The following MAP10 variants were observed in gnomAD, a reference collection of about 807,000 sequenced individuals.
MAP10 encodes the protein microtubule-associated protein 10.
A neutral mutation model predicts 6.3 loss-of-function variants in MAP10; 10 were observed. The observed-to-expected ratio is 1.58, with a 90% CI of 0.98 to 2.69. The LOEUF (loss-of-function observed/expected upper bound fraction) is 2.69, where lower values mean the gene tolerates loss of function less well. Among genes scored for constraint, MAP10 ranks in the 30% most tolerant of loss-of-function variants. The probability of loss-of-function intolerance (pLI) is 0.00; values close to 1 mark genes in which losing one functional copy is unlikely to be tolerated. For synonymous variants in MAP10, 459 were observed against 429.3 expected (o/e 1.07, Z -0.86); for missense variants, 1,189 against 1,086.5 (o/e 1.09, Z -1.33).
Position 232,808,117 on chromosome 1 carries a change from A to G in MAP10, c.2668A>G (p.Lys890Glu). 6.3e-7 allele frequency: 1 copy of G among 1,588,024 alleles called. No individual in the cohort carries two copies. Among genetic ancestry groups the G allele is most frequent in the Non-Finnish European group, 8.6e-7 (1 of 1,162,484 alleles). Residue 890 changes from lysine to glutamate, a missense_variant, in exon 1 of 1, where the codon AAA becomes GAA. By Grantham distance (56) the Lys-to-Glu change is moderately conservative. Coordinates refer to ENST00000418460, the MANE Select transcript of MAP10 (RefSeq NM_019090.3). ...TTCACTAAATATTTCCAAGCAATGC[A>G]AAGATATTTGTGAATTAGTAATAAA... ...VGSLNISKQC[K>E]DICELVINKL...
In MAP10 at chr1:232,807,040, A is replaced by T. The variant is rs977529316; in HGVS notation, c.1591A>T (p.Met531Leu). ...ACTATATAGAAAAAGACAATCACAA[A>T]TGTTGGGTACAAAATTCAGAATTCC... ...RELYRKRQSQ[M>L]LGTKFRIPSS... Residue 531 changes from methionine to leucine, a missense_variant, in exon 1 of 1, where the codon ATG becomes TTG. Transcript: ENST00000418460. 21 of 1,613,086 alleles carry T rather than the reference A, an allele frequency of 1.3e-5. No individual in the cohort carries two copies. The highest frequency in any genetic ancestry group is 1.8e-5 in the Non-Finnish European group (21 of 1,179,626).
chr1:232,807,498 CAA>C, the MAP10 span: 5 of 1,613,586 alleles, frequency 3.1e-6, no homozygotes, highest in African/African-American at 2.7e-5. Context: ...ATATAAGTGA[CAA>C]GAGAACAGGT....
Position 232,807,620 on chromosome 1 carries a change from A to G in MAP10, c.2171A>G (p.Lys724Arg), listed in dbSNP as rs1571897185. 6.2e-7 allele frequency: 1 copy of G among 1,610,134 alleles called. No individual in the cohort carries two copies. Among genetic ancestry groups the G allele is most frequent in the African/African-American group, 1.3e-5 (1 of 75,008 alleles). Residue 724 changes from lysine to arginine, a missense_variant, in exon 1 of 1, where the codon AAA (lysine) becomes AGA (arginine). Coordinates refer to ENST00000418460, the MANE Select transcript of MAP10 (RefSeq NM_019090.3). ...AGTGAGGACACCAGCAGAAGTTTCA[A>G]AGCTCATGATAGCAGTTCAAGGACA... Reference protein sequence around the residue: ...CTSEDTSRSFKAHDSSSRTEN... With the variant: ...CTSEDTSRSFRAHDSSSRTEN...
Position 232,805,702 on chromosome 1 carries a change from G to T in MAP10, c.253G>T (p.Gly85Cys). The stretch of plus-strand genomic sequence containing the variant: ...CGCTCCCGCCGCCGAACCGTGGCCC[G>T]GTGTCATCCGCTTCGGTCGCGGCAA... Reference protein sequence around the residue: ...PGAPAAEPWPGVIRFGRGKSC... With the variant: ...PGAPAAEPWPCVIRFGRGKSC... The change falls in exon 1 of 1, where the codon GGT (glycine) becomes TGT (cysteine). Residue 85 changes from glycine to cysteine, a missense_variant. By Grantham distance (159) the Gly-to-Cys change is radical (BLOSUM62 -3). Transcript: ENST00000418460. 1 of 1,604,224 alleles carries T rather than the reference G, an allele frequency of 6.2e-7. No individual in the cohort carries two copies. The highest frequency in any genetic ancestry group is 1.1e-5 in the South Asian group (1 of 90,840).
rs1666095373 is a variant in MAP10 at position 232,806,031 on chromosome 1, G to T, written c.582G>T (p.Arg194=). ...GCCGCCTGCTGAGCCAACTTGAGCGGCCCCTCACCTTCACCCGCACAGGAG... is the reference window on the plus strand; with the variant it reads ...GCCGCCTGCTGAGCCAACTTGAGCGTCCCCTCACCTTCACCCGCACAGGAG... The part of the protein sequence containing the change: ...LGSRLLSQLE[R]PLTFTRTGGG... The change falls in exon 1 of 1, where the codon CGG becomes CGT. Residue 194 remains arginine (R), a synonymous_variant. Coordinates refer to ENST00000418460, the MANE Select transcript of MAP10 (RefSeq NM_019090.3). 1 of 1,613,954 alleles carries T rather than the reference G, an allele frequency of 6.2e-7. No individual in the cohort carries two copies. The highest frequency in any genetic ancestry group is 2.2e-5 in the East Asian group (1 of 44,872).
Position 232,805,830 on chromosome 1 carries a change from C to T in MAP10, c.381C>T (p.Pro127=), listed in dbSNP as rs1247762059. 6.3e-7 allele frequency: 1 copy of T among 1,589,518 alleles called. No individual in the cohort carries two copies. Among genetic ancestry groups the T allele is most frequent in the Admixed American group, 1.7e-5 (1 of 57,380 alleles). ...AGCTGCCCCCTGGGCGCCCGACGCCCACCCCACAGCTCCTGGGGGCCTGCG... is the reference window on the plus strand; with the variant it reads ...AGCTGCCCCCTGGGCGCCCGACGCCTACCCCACAGCTCCTGGGGGCCTGCG... ...LLQLPPGRPT[P]TPQLLGACDI... is the part of the protein sequence containing the mutation. Residue 127 remains proline (P), a synonymous_variant, in exon 1 of 1, where the codon CCC becomes CCT. Transcript: ENST00000418460.
Position 232,805,541 on chromosome 1 carries a change from C to T in MAP10, c.92C>T (p.Ala31Val). Residue 31 changes from alanine (A) to valine (V), a missense_variant, in exon 1 of 1, where the codon GCC becomes GTC. Ala to Val is a moderately conservative substitution (Grantham distance 64). Transcript: ENST00000418460. ...GCCCGGCTGCTGCCGTCCCCCGCTG[C>T]CGCAGTGGAGCAGGAGGAGGAAGAG... ...LEARLLPSPA[A>V]AVEQEEEEEE... 1 of 1,561,982 alleles carries T rather than the reference C, an allele frequency of 6.4e-7. No homozygotes were observed. The highest frequency in any genetic ancestry group is 8.7e-7 in the Non-Finnish European group (1 of 1,153,204).
In MAP10 at chr1:232,807,714, T is replaced by G. The variant is rs779748954; in HGVS notation, c.2265T>G (p.Ser755Arg). The change falls in exon 1 of 1, where the codon AGT becomes AGG. Residue 755 changes from serine (S) to arginine (R), a missense_variant. Coordinates refer to ENST00000418460, the MANE Select transcript of MAP10 (RefSeq NM_019090.3). ...SDTGVSKKKNSSDRSSILSPP... is the reference protein window; with the variant it reads ...SDTGVSKKKNRSDRSSILSPP... ...CAGGAGTGTCCAAAAAGAAAAATAG[T>G]AGTGACAGGAGTTCTATCCTTAGCC... The G allele has an allele frequency of 1.9e-6, 3 of 1,613,632 alleles. No individual in the cohort carries two copies. Among genetic ancestry groups the G allele is most frequent in the Non-Finnish European group, 2.5e-6 (3 of 1,179,704 alleles).
At position 232,808,393 on chromosome 1, in the gene MAP10, G is replaced by C. The variant is rs1666144255; in HGVS notation, c.*226G>C. 2.7e-6 allele frequency: 1 copy of C among 372,052 alleles called. No individual in the cohort carries two copies. The highest frequency in any genetic ancestry group is 4.6e-5 in the East Asian group (1 of 21,896). The allele number at this position is 372,052 out of a possible 1,614,324, so 23.0% of individuals were successfully genotyped here. On this transcript the variant is annotated 3_prime_UTR_variant, in exon 1 of 1. Transcript: ENST00000418460. Reference sequence around the variant, plus strand: ...AAATTGTTTAATCATAAGAATAAAAGTGTGTCTTTCTAAATTGTCTCTCTT... The same window carrying C: ...AAATTGTTTAATCATAAGAATAAAACTGTGTCTTTCTAAATTGTCTCTCTT...
In MAP10 at chr1:232,807,502, A is replaced by G. The variant is rs781747645; in HGVS notation, c.2053A>G (p.Arg685Gly). 1.2e-6 allele frequency: 2 copies of G among 1,613,882 alleles called. No individual in the cohort carries two copies. Among genetic ancestry groups the G allele is most frequent in the Non-Finnish European group, 8.5e-7 (1 of 1,179,814 alleles). ...DILMADISDK[R>G]TGKNSCYENI... ...TCTTATGGCTGATATAAGTGACAAG[A>G]GAACAGGTAAAAATAGTTGCTATGA... The change falls in exon 1 of 1, where the codon AGA (arginine) becomes GGA (glycine). Residue 685 changes from arginine (R) to glycine (G), a missense_variant. By Grantham distance (125) the Arg-to-Gly change is moderately radical. Transcript: ENST00000418460.
Position 232,808,109 on chromosome 1 carries a change from A to G in MAP10, c.2660A>G (p.Lys887Arg). 3 of 1,593,060 alleles carry G rather than the reference A, an allele frequency of 1.9e-6. No individual in the cohort carries two copies. The highest frequency in any genetic ancestry group is 2.6e-6 in the Non-Finnish European group (3 of 1,165,016). Residue 887 changes from lysine to arginine, a missense_variant, in exon 1 of 1, where the codon AAG becomes AGG. Transcript: ENST00000418460. ...GATGTTGGTTCACTAAATATTTCCA[A>G]GCAATGCAAAGATATTTGTGAATTA... Reference protein sequence around the residue: ...NDDVGSLNISKQCKDICELVI... With the variant: ...NDDVGSLNISRQCKDICELVI...
chr1:232,806,578 G>A lies in MAP10; in HGVS notation c.1129G>A (p.Ala377Thr). 7 of 1,613,910 alleles carry A rather than the reference G, an allele frequency of 4.3e-6. No individual in the cohort carries two copies. The highest frequency in any genetic ancestry group is 5.9e-6 in the Non-Finnish European group (7 of 1,179,848). Residue 377 changes from alanine (A) to threonine (T), a missense_variant, in exon 1 of 1, where the codon GCA becomes ACA. Coordinates refer to ENST00000418460, the MANE Select transcript of MAP10 (RefSeq NM_019090.3). ...VNPPHIQNIG[A>T]TNQTCQTEQN... ...TCCTCCACATATTCAGAATATAGGA[G>A]CAACTAATCAAACATGTCAAACTGA...
rs779045688 is a variant in MAP10, at chr1:232,807,482, T to A, written c.2033T>A (p.Met678Lys). 54 of 1,613,720 alleles carry A rather than the reference T, an allele frequency of 3.3e-5. 1 individual carries two copies. The highest frequency in any genetic ancestry group is 2.7e-4 in the South Asian group (25 of 91,070). The change falls in exon 1 of 1, where the codon ATG becomes AAG. Residue 678 changes from methionine to lysine, a missense_variant. By Grantham distance (95) the Met-to-Lys change is moderately conservative. Transcript: ENST00000418460. ...AAAACCACAGATAATGACATTCTTA[T>A]GGCTGATATAAGTGACAAGAGAACA... The part of the protein sequence containing the change: ...QVKTTDNDIL[M>K]ADISDKRTGK...
In MAP10 at chr1:232,806,515, A is replaced by C. The variant is rs1471059126; in HGVS notation, c.1066A>C (p.Ser356Arg). 6.2e-7 allele frequency: 1 copy of C among 1,613,970 alleles called. No homozygotes were observed. Among genetic ancestry groups the C allele is most frequent in the Non-Finnish European group, 8.5e-7 (1 of 1,179,894 alleles). Residue 356 changes from serine to arginine, a missense_variant, in exon 1 of 1, where the codon AGT becomes CGT. Physicochemically the swap from Ser to Arg is moderately radical, Grantham distance 110. Coordinates refer to ENST00000418460, the MANE Select transcript of MAP10 (RefSeq NM_019090.3). ...ACACAGGAGTTGTCTAAAGCATCCA[A>C]GTTCTGCAGCACACGAACATCCTCC... ...PAHRSCLKHP[S>R]SAAHEHPPML...
Position 232,806,258 on chromosome 1 carries a change from T to C in MAP10, c.809T>C (p.Val270Ala), listed in dbSNP as rs758393117. ...GSVENGKTNS[V>A]VTCSGAGNGR... ...GTGGAGAATGGCAAAACCAATTCTGTTGTTACATGTTCAGGTGCTGGCAAT... is the reference window on the plus strand; with the variant it reads ...GTGGAGAATGGCAAAACCAATTCTGCTGTTACATGTTCAGGTGCTGGCAAT... The change falls in exon 1 of 1, where the codon GTT becomes GCT. Residue 270 changes from valine (V) to alanine (A), a missense_variant. Transcript: ENST00000418460. The C allele has an allele frequency of 8.7e-6, 14 of 1,613,828 alleles. No homozygotes were observed. The highest frequency in any genetic ancestry group is 1.1e-5 in the Non-Finnish European group (13 of 1,179,890).
rs865872973 is a variant in MAP10, at chr1:232,807,770, C to T, written c.2321C>T (p.Ser774Leu). The change falls in exon 1 of 1, where the codon TCA becomes TTA. Residue 774 changes from serine to leucine, a missense_variant. Transcript: ENST00000418460. ...PPFSAGSPVH[S>L]YRKFHISKTQ... ...TTTTCAGCCGGGTCACCTGTACACT[C>T]ATACAGAAAATTTCATATTTCAAAG... 1.9e-6 allele frequency: 3 copies of T among 1,613,072 alleles called. No individual in the cohort carries two copies. Among genetic ancestry groups the T allele is most frequent in the African/African-American group, 1.3e-5 (1 of 74,792 alleles).
chr1:232,805,777 C>A lies in MAP10; in HGVS notation c.328C>A (p.Arg110=). 1 of 1,599,286 alleles carries A rather than the reference C, an allele frequency of 6.3e-7. No individual in the cohort carries two copies. The part of the protein sequence containing the change: ...QPATLHCRLL[R]TPLATLLLQL... ...TGCTACCCTGCACTGCCGGCTCCTG[C>A]GGACCCCGCTTGCCACCTTGCTGCT... The change falls in exon 1 of 1, where the codon CGG becomes AGG. Residue 110 remains arginine, a synonymous_variant. Coordinates refer to ENST00000418460, the MANE Select transcript of MAP10 (RefSeq NM_019090.3).
chr1:232,808,084 G>C lies in MAP10; in HGVS notation c.2635G>C (p.Asp879His), dbSNP rs757175922. The C allele has an allele frequency of 1.2e-5, 20 of 1,604,598 alleles. No individual in the cohort carries two copies. In the East Asian group the frequency reaches 2.9e-4, roughly 23 times the overall value. Reference sequence around the variant, plus strand: ...AGATCACTTTGAAGAAGGCAATGATGATGTTGGTTCACTAAATATTTCCAA... The same window carrying C: ...AGATCACTTTGAAGAAGGCAATGATCATGTTGGTTCACTAAATATTTCCAA... ...TSDHFEEGND[D>H]VGSLNISKQC... The change falls in exon 1 of 1, where the codon GAT becomes CAT. Residue 879 changes from aspartate to histidine, a missense_variant. By Grantham distance (81) the Asp-to-His change is moderately conservative. Coordinates refer to ENST00000418460, the MANE Select transcript of MAP10 (RefSeq NM_019090.3).
chr1:232,806,335 A>G lies in MAP10; in HGVS notation c.886A>G (p.Thr296Ala), dbSNP rs1480132548. ...GGAAGTCACAGAATTGGACATGGAG[A>G]CCAATATATTTTGCCCTCCTCCTTT... ...NEEVTELDME[T>A]NIFCPPPLYY... The change falls in exon 1 of 1, where the codon ACC (threonine) becomes GCC (alanine). Residue 296 changes from threonine to alanine, a missense_variant. Transcript: ENST00000418460. The G allele has an allele frequency of 1.9e-6, 3 of 1,613,842 alleles. No individual in the cohort carries two copies. The highest frequency in any genetic ancestry group is 3.3e-5 in the Admixed American group (2 of 60,010).
Sources: allele counts gnomAD v4.1 joint callset, GRCh38; gene constraint gnomAD v4.1.1; transcripts MANE v1.5; gene names NCBI Gene and HGNC (gene_info 2026-07-23, HGNC 2026-07-21).